Variants in BAZ2B observed in about 807,000 individuals in gnomAD.
BAZ2B encodes bromodomain adjacent to zinc finger domain protein 2B.
Under a neutral mutation model 246.0 loss-of-function variants are expected in BAZ2B, and 91 were observed. That is an observed-to-expected ratio of 0.37 (90% CI 0.31 to 0.44). BAZ2B has a LOEUF of 0.44. Among genes scored for constraint, BAZ2B ranks in the 20% least tolerant of loss-of-function variants. BAZ2B has a pLI of 1.00. For synonymous variants in BAZ2B, 855 were observed against 860.0 expected (o/e 0.99, Z 0.10); for missense variants, 2,332 against 2,533.7 (o/e 0.92, Z 1.71).
chr2:159,333,506 CAA>C (rs1337737091), intron 33 of BAZ2B, among the ~76,000 whole-genome samples: 4 of 151,944 alleles, frequency 2.6e-5, no homozygotes, highest in African/African-American at 4.8e-5. Context: ...AAAAGTTAGA[CAA>C]GTAAAAACTT....
the BAZ2B span, among the ~76,000 whole-genome samples, chr2:159,709,376 C>G: frequency 2.0e-5 from 3 of 152,000 alleles, no homozygotes; most frequent in African/African-American, 7.3e-5. Flanking sequence ...GGAGTAAGTT[C>G]TAATGTTTGA....
downstream of BAZ2B, among the ~76,000 whole-genome samples, chr2:159,315,731 G>C (rs1409051546): frequency 6.6e-6 from 1 of 152,174 alleles, no homozygotes; most frequent in African/African-American, 2.4e-5. Flanking sequence ...TTATACATGG[G>C]CATGAATACT....
the BAZ2B span, among the ~76,000 whole-genome samples, chr2:159,633,274 T>C: frequency 6.6e-6 from 1 of 152,080 alleles, no homozygotes; most frequent in Non-Finnish European, 1.5e-5. Flanking sequence ...ACAGTCCAAC[T>C]GAGAGGCATT....
intron 12 of BAZ2B, 119 bp from the exon 13 acceptor site, chr2:159,428,161 A>C (rs1310455300): frequency 9.0e-7 from 1 of 1,110,924 alleles, no homozygotes; most frequent in Non-Finnish European, 1.3e-6. Context: ...CTAAATTTAT[A>C]GGAGATCAAT....
intron 2 of BAZ2B, among the ~76,000 whole-genome samples, chr2:159,524,007 T>C (rs1371333236): frequency 6.6e-6 from 1 of 152,188 alleles, no homozygotes; most frequent in Non-Finnish European, 1.5e-5. Flanking sequence ...GCAGAAATAA[T>C]ATGTTTCTAT....
intron 2 of BAZ2B, among the ~76,000 whole-genome samples, chr2:159,526,840 C>A (rs908947486): frequency 8.5e-4 from 129 of 151,692 alleles, no homozygotes; most frequent in African/African-American, 3.0e-3. Flanking sequence ...AGGAAAAAAA[C>A]CTAATAGTTT....
intron 13 of BAZ2B, among the ~76,000 whole-genome samples, chr2:159,424,832 G>C (rs6732898): frequency 0.058 from 8,796 of 152,228 alleles, 486 homozygotes; most frequent in African/African-American, 0.13. Context: ...TAAATGTTAT[G>C]CAAATAGTTG....
the BAZ2B span, among the ~76,000 whole-genome samples, chr2:159,685,857 C>T: frequency 1.3e-5 from 2 of 152,200 alleles, no homozygotes; most frequent in Non-Finnish European, 2.9e-5. Flanking sequence ...CTCCTCCCTC[C>T]AGGAGAAACT....
At chr2:159,406,660 CA>C (rs2065983103) in intron 14 of BAZ2B, among the ~76,000 whole-genome samples, 1 of 152,152 alleles carries the variant, frequency 6.6e-6, no homozygotes, top group African/African-American at 2.4e-5. Flanking sequence ...TGTTCATTGA[CA>C]AGGAACATAA....
chr2:159,674,801 A>G, the BAZ2B span, among the ~76,000 whole-genome samples: 4 of 152,166 alleles, frequency 2.6e-5, no homozygotes, highest in Admixed American at 6.6e-5. Flanking sequence ...AATAAATAAC[A>G]TAGCCATATA....
chr2:159,385,257 T>G lies in BAZ2B; in HGVS notation c.3584A>C (p.Glu1195Ala). The G allele has an allele frequency of 1.2e-6, 2 of 1,613,598 alleles. No individual in the cohort carries two copies. The change falls in exon 23 of 37, where the codon GAA (glutamate) becomes GCA (alanine). Residue 1195 changes from glutamate to alanine, a missense_variant. Glu to Ala is a moderately radical substitution (Grantham distance 107, BLOSUM62 -1). Around this residue, in one of 9 missense-constraint regions of BAZ2B, gnomAD observed 328 missense variants for 410.4 expected, o/e 0.80. Coordinates refer to ENST00000392783, the MANE Select transcript of BAZ2B (RefSeq NM_013450.4). ...EAHCGQTELT[E>A]SLKTKAFQAH... The stretch of plus-strand genomic sequence containing the variant: ...CTGAAAAGCTTTGGTCTTCAGACTT[T>G]CAGTAAGCTCAGTTTGTCCACAGTG...
At chr2:159,329,875 T>A (rs2064409686) in intron 34 of BAZ2B, among the ~76,000 whole-genome samples, 1 of 152,148 alleles carries the variant, frequency 6.6e-6, no homozygotes, top group African/African-American at 2.4e-5. Flanking sequence ...TTAAGAAAAT[T>A]TATTGAAAAC....
At chr2:159,671,023 A>C in the BAZ2B span, among the ~76,000 whole-genome samples, 1 of 152,200 alleles carries the variant, frequency 6.6e-6, no homozygotes, top group Admixed American at 6.5e-5. Context: ...ATGTAAAGCA[A>C]ACTTTTCTCT....
At chr2:159,574,343 CAAACAAACA>C (rs1228158344) in intron 1 of BAZ2B, among the ~76,000 whole-genome samples, 4 of 151,760 alleles carry the variant, frequency 2.6e-5, no homozygotes, top group Admixed American at 6.6e-5. Context: ...AAAAAACAAA[CAAACAAACA>C]AAACAAAACA....
chr2:159,385,417 C>T (rs576820239), intron 22 of BAZ2B, 48 bp from the exon 23 acceptor site: 2 of 1,471,170 alleles, frequency 1.4e-6, no homozygotes, highest in African/African-American at 2.8e-5. Flanking sequence ...ACCATTTATA[C>T]CATAAAAACA....
At chr2:159,638,137 G>A in the BAZ2B span, among the ~76,000 whole-genome samples, 3 of 152,310 alleles carry the variant, frequency 2.0e-5, no homozygotes, top group Admixed American at 6.5e-5. Context: ...AAGTCTCTGC[G>A]TGGTAATCAA....
chr2:159,362,354 GATA>G lies in BAZ2B; in HGVS notation c.4213+10688_4213+10690del, dbSNP rs533962939. On this transcript the variant is annotated intron_variant, in intron 27 of 36. Coordinates refer to ENST00000392783, the MANE Select transcript of BAZ2B (RefSeq NM_013450.4). ...CTGTTTCTAAACCCAAAGGTCCCTT[GATA>G]ATGTTTATCATTACTCAGAAATTAA... is the stretch of plus-strand genomic sequence containing the variant. Among the ~76,000 whole-genome samples, 857 of 152,212 alleles carry G rather than the reference GATA, an allele frequency of 5.6e-3. 4 individuals are homozygous for G. The highest frequency in any genetic ancestry group is 0.01 in the Non-Finnish European group (687 of 68,000).
intron 20 of BAZ2B, among the ~76,000 whole-genome samples, chr2:159,391,943 G>A (rs2063380824): frequency 6.6e-6 from 1 of 152,092 alleles, no homozygotes; most frequent in African/African-American, 2.4e-5. Flanking sequence ...CAAATTCTGT[G>A]GTTATGGTAC....
chr2:159,660,268 AAC>A, the BAZ2B span, among the ~76,000 whole-genome samples: 2 of 152,202 alleles, frequency 1.3e-5, no homozygotes, highest in Admixed American at 6.5e-5. Context: ...TTGGAGAGTC[AAC>A]CATCTTGTAC....
Sources: gnomAD v4.1 joint callset for allele counts (sites outside exome capture counted in the v4.1 genomes callset) on GRCh38, gnomAD v4.1.1 for gene constraint, gnomAD v4.1.1 regional missense constraint, MANE v1.5 for transcripts, NCBI Gene and HGNC (gene_info 2026-07-23, HGNC 2026-07-21) for gene names.